Variants in IMMP2L observed in about 807,000 individuals in gnomAD.
IMMP2L encodes the protein inner mitochondrial membrane peptidase subunit 2.
A neutral mutation model predicts 19.3 loss-of-function variants in IMMP2L; 18 were observed. The observed-to-expected ratio is 0.93, with a 90% CI of 0.64 to 1.38. IMMP2L has a LOEUF of 1.38. Ranked by LOEUF, IMMP2L falls within the 40% of genes most tolerant of loss-of-function variation. The pLI is 0.00. For synonymous variants in IMMP2L, 76 were observed against 73.0 expected (o/e 1.04, Z -0.21); for missense variants, 233 against 218.2 (o/e 1.07, Z -0.43).
At chr7:111,349,616 G>C (rs775611539) in intron 3 of IMMP2L, among the ~76,000 whole-genome samples, 14 of 152,076 alleles carry the variant, frequency 9.2e-5, no homozygotes, top group Non-Finnish European at 2.1e-4. Flanking sequence ...CATTCACTAA[G>C]AATGCCTGTA....
intron 1 of IMMP2L, among the ~76,000 whole-genome samples, chr7:111,529,632 T>C (rs546209399): frequency 1.3e-5 from 2 of 152,006 alleles, no homozygotes; most frequent in African/African-American, 2.4e-5. Context: ...GGAGGAGAAA[T>C]GTAATTATGT....
intron 3 of IMMP2L, among the ~76,000 whole-genome samples, chr7:111,281,437 A>G (rs1177165949): frequency 6.6e-6 from 1 of 152,188 alleles, no homozygotes; most frequent in Non-Finnish European, 1.5e-5. Flanking sequence ...AGAAACTGTC[A>G]CAAACCTCAC....
At chr7:110,815,507 T>A (rs1802421563) in intron 5 of IMMP2L, among the ~76,000 whole-genome samples, 1 of 152,170 alleles carries the variant, frequency 6.6e-6, no homozygotes, top group Non-Finnish European at 1.5e-5. Context: ...GATTTCCTCT[T>A]TTTCTATTGA....
chr7:110,878,240 T>G (rs982234632), intron 5 of IMMP2L, among the ~76,000 whole-genome samples: 1 of 152,138 alleles, frequency 6.6e-6, no homozygotes, highest in Non-Finnish European at 1.5e-5. Flanking sequence ...CTACTTAAAT[T>G]TACATGTATG....
At chr7:111,287,402 T>C (rs1820609026) in intron 3 of IMMP2L, among the ~76,000 whole-genome samples, 1 of 152,104 alleles carries the variant, frequency 6.6e-6, no homozygotes, top group African/African-American at 2.4e-5. Flanking sequence ...TCATAACTGC[T>C]ACGTAAAGCC....
In IMMP2L at chr7:111,213,745, A is replaced by G. The variant is rs977320865; in HGVS notation, c.240-250180T>C. Among the ~76,000 whole-genome samples, 4 of 152,092 alleles carry G rather than the reference A, an allele frequency of 2.6e-5. No individual in the cohort carries two copies. The highest frequency in any genetic ancestry group is 6.5e-5 in the Admixed American group (1 of 15,278). ...GACAGTATGACCAGTTGTGGAGAGGAGCTACCCACACCAGAGTCTCCTATC... is the reference window on the plus strand; with the variant it reads ...GACAGTATGACCAGTTGTGGAGAGGGGCTACCCACACCAGAGTCTCCTATC... On this transcript the variant is annotated intron_variant, in intron 3 of 5. Transcript: ENST00000405709. This position sits in a 1 kb window ranked among gnomAD's most constrained non-coding sequence, Gnocchi z 4.8.
chr7:110,741,270 G>A (rs779336755), intron 5 of IMMP2L, among the ~76,000 whole-genome samples: 7 of 152,060 alleles, frequency 4.6e-5, no homozygotes, highest in African/African-American at 7.2e-5. Flanking sequence ...ATATGGACAC[G>A]ACCTGTTCCC....
intron 5 of IMMP2L, among the ~76,000 whole-genome samples, chr7:110,668,588 T>G (rs1002781008): frequency 3.3e-5 from 5 of 152,160 alleles, no homozygotes. Context: ...GTGATTCAAT[T>G]TTTTTTAAAT....
At position 111,488,030 on chromosome 7, in the gene IMMP2L, G is replaced by C. The variant is rs114094877; in HGVS notation, c.136-689C>G. Among the ~76,000 whole-genome samples, 1,373 of 152,166 alleles carry C rather than the reference G, an allele frequency of 9.0e-3. 28 individuals are homozygous for C. The highest frequency in any genetic ancestry group is 0.032 in the African/African-American group (1,317 of 41,508). ...TTTCTAAAGGTCAGGAACCATACAG[G>C]CACAAAAATTTGACTGGGGAACTAT... On this transcript the variant is annotated intron_variant, in intron 2 of 5. Transcript: ENST00000405709.
chr7:111,195,526 T>C (rs1468005986), intron 3 of IMMP2L, among the ~76,000 whole-genome samples: 1 of 152,148 alleles, frequency 6.6e-6, no homozygotes, highest in African/African-American at 2.4e-5. Flanking sequence ...ATTGCCACAT[T>C]ATCTTTTTAT....
At chr7:110,999,327 A>T (rs1372941750) in intron 3 of IMMP2L, among the ~76,000 whole-genome samples, 26 of 32,494 alleles carry the variant, frequency 8.0e-4, no homozygotes, top group Admixed American at 2.3e-3. Context: ...CTCATTTTCC[A>T]TGGTTTTTTT....
chr7:111,011,660 T>C (rs964711939), intron 3 of IMMP2L, among the ~76,000 whole-genome samples: 1 of 152,118 alleles, frequency 6.6e-6, no homozygotes, highest in East Asian at 1.9e-4. Context: ...AAGGAACGAA[T>C]TCTGAAACCA....
Position 111,359,490 on chromosome 7 carries a change from C to T in IMMP2L, c.239+127748G>A, listed in dbSNP as rs571571497. 7.2e-5 allele frequency among the ~76,000 whole-genome samples: 11 copies of T among 151,914 alleles called. No homozygotes were observed. The South Asian group carries it at 1.0e-3, about 14-fold the overall frequency. ...CTAATTTTTGTATTTTTAGTAGAGA[C>T]GGGGTTTCACCATATTGGCCCATCT... On this transcript the variant is annotated intron_variant, in intron 3 of 5. Transcript: ENST00000405709.
chr7:110,813,810 T>TA (rs1444912716), intron 5 of IMMP2L, among the ~76,000 whole-genome samples: 1 of 151,840 alleles, frequency 6.6e-6, no homozygotes. Context: ...TTAACTCTAC[T>TA]AAAGTAGTTC....
chr7:111,160,396 T>C (rs1443100822), intron 3 of IMMP2L, among the ~76,000 whole-genome samples: 1 of 152,058 alleles, frequency 6.6e-6, no homozygotes, highest in Non-Finnish European at 1.5e-5. Context: ...GCAATTTCTA[T>C]AGATCACATA....
chr7:110,984,719 T>C (rs10263998), intron 3 of IMMP2L, among the ~76,000 whole-genome samples: 1,918 of 152,228 alleles, frequency 0.013, 32 homozygotes, highest in African/African-American at 0.043. Context: ...AACCTAATTT[T>C]AGTAAAAACA....
intron 3 of IMMP2L, among the ~76,000 whole-genome samples, chr7:111,295,786 T>A (rs555655456): frequency 4.6e-5 from 7 of 151,946 alleles, no homozygotes; most frequent in Non-Finnish European, 8.8e-5. Flanking sequence ...TAATGAAATT[T>A]TGTCAGTGTT....
At chr7:111,329,838 G>A (rs1297505926) in intron 3 of IMMP2L, among the ~76,000 whole-genome samples, 1 of 151,852 alleles carries the variant, frequency 6.6e-6, no homozygotes, top group Non-Finnish European at 1.5e-5. Flanking sequence ...AGGAGAGGGT[G>A]CTCTTGAACT....
At chr7:111,556,924 C>A (rs906656137) in intron 1 of IMMP2L, among the ~76,000 whole-genome samples, 1 of 152,046 alleles carries the variant, frequency 6.6e-6, no homozygotes, top group African/African-American at 2.4e-5. Context: ...ATATGCCCTG[C>A]GAGCATGTTA....
Sources: allele counts gnomAD v4.1 joint callset (sites outside exome capture counted in the v4.1 genomes callset), GRCh38; gene constraint gnomAD v4.1.1; non-coding constraint Gnocchi (gnomAD v3.1); transcripts MANE v1.5; gene names NCBI Gene and HGNC (gene_info 2026-07-23, HGNC 2026-07-21).